Variants in ZNF454 observed in about 807,000 individuals in gnomAD.
ZNF454 encodes zinc finger protein 454.
Under a neutral mutation model 48.2 loss-of-function variants are expected in ZNF454, and 30 were observed. The ratio of observed to expected loss-of-function variants is 0.62; its 90% CI spans 0.47 to 0.84. The LOEUF is 0.84. ZNF454 is among the 40% of genes least tolerant of loss of function. The pLI, the probability that ZNF454 is intolerant of heterozygous loss-of-function variation, is 0.00. For missense variants in ZNF454, 510 were observed against 623.1 expected (o/e 0.82, Z 1.93); for synonymous variants, 204 against 211.4 (o/e 0.97, Z 0.30).
rs565741450 is a variant in ZNF454 at position 178,966,040 on chromosome 5, C to T, written c.*67C>T. On this transcript the variant is annotated 3_prime_UTR_variant, in exon 5 of 5. Transcript: ENST00000519564. ...ATGAATTATTGAATGTGAGATAATC[C>T]GTTCTAGAGAATAACTATGAAAGCT... is the stretch of plus-strand genomic sequence containing the variant. 64 of 1,263,654 alleles carry T rather than the reference C, an allele frequency of 5.1e-5. 1 individual carries two copies. The South Asian group carries it at 6.9e-4, about 14-fold the overall frequency. The allele number at this position is 1,263,654 out of a possible 1,614,324, so 78.3% of individuals were successfully genotyped here. A position where few individuals can be genotyped will look rare whatever the true frequency, so the allele number is the denominator to read the frequency against.
At chr5:178,978,049 C>T in the ZNF454 span, among the ~76,000 whole-genome samples, 1 of 152,176 alleles carries the variant, frequency 6.6e-6, no homozygotes, top group Non-Finnish European at 1.5e-5. Context: ...TTTTTGAAAC[C>T]CCCCAAGCTA....
At chr5:178,977,769 G>A in the ZNF454 span, among the ~76,000 whole-genome samples, 44 of 151,954 alleles carry the variant, frequency 2.9e-4, no homozygotes, top group Non-Finnish European at 6.0e-4. Flanking sequence ...GTGTTTTGCC[G>A]AGATGGTGTT....
At chr5:178,981,631 A>T in the ZNF454 span, 5 of 1,567,512 alleles carry the variant, frequency 3.2e-6, no homozygotes, top group South Asian at 4.4e-5. This position sits in a 1 kb window ranked among gnomAD's most constrained non-coding sequence, Gnocchi z 5.1. Context: ...GAGAGGCAGC[A>T]AGCAGTCCCG....
chr5:178,981,701 C>T, the ZNF454 span: 2 of 1,614,122 alleles, frequency 1.2e-6, no homozygotes, highest in Non-Finnish European at 1.7e-6. The surrounding 1 kb of genome is among the most constrained non-coding windows in gnomAD (Gnocchi z 5.1). Flanking sequence ...GGGGCTGCCA[C>T]CGTGGAGGTG....
the ZNF454 span, chr5:178,985,689 C>G: frequency 3.6e-5 from 14 of 386,344 alleles, no homozygotes; most frequent in Non-Finnish European, 5.9e-5. Flanking sequence ...GGCGACACAG[C>G]GAGACTCTGT....
At chr5:178,974,645 T>G in the ZNF454 span, among the ~76,000 whole-genome samples, 6 of 152,192 alleles carry the variant, frequency 3.9e-5, no homozygotes, top group Non-Finnish European at 8.8e-5. Flanking sequence ...TTACCATTAC[T>G]GCATGAGAGA....
the ZNF454 span, chr5:178,975,976 G>T: frequency 2.8e-6 from 1 of 357,122 alleles, no homozygotes; most frequent in Non-Finnish European, 5.7e-6. Flanking sequence ...TCTCTGGAGA[G>T]CCCTGACTGC....
At chr5:178,969,883 G>C (rs1463806369), downstream of ZNF454, among the ~76,000 whole-genome samples, 2 of 152,144 alleles carry the variant, frequency 1.3e-5, no homozygotes, top group East Asian at 3.9e-4. Flanking sequence ...AAAAACAGTT[G>C]CTTTGGATTT....
At chr5:178,983,416 AG>A in the ZNF454 span, 1 of 705,014 alleles carries the variant, frequency 1.4e-6, no homozygotes. Context: ...GCAGCCCAAG[AG>A]GGGTCCGTCC....
At position 178,946,721 on chromosome 5, in the gene ZNF454, T is replaced by A. The variant is rs77877032; in HGVS notation, c.161-176T>A. On this transcript the variant is annotated intron_variant, in intron 3 of 4. Coordinates refer to ENST00000519564, the MANE Select transcript of ZNF454 (RefSeq NM_001178089.3). This position sits in a 1 kb window ranked among gnomAD's most constrained non-coding sequence, Gnocchi z 4.5. ...TTCTGGCAAGGAGGGGAACATGGGA[T>A]AAGATTGTGTCAGGCCTGAGTAATC... 0.091 allele frequency among the ~76,000 whole-genome samples: 13,826 copies of A among 152,196 alleles called. 681 individuals carry two copies. The highest frequency in any genetic ancestry group is 0.1 in the Non-Finnish European group (6,897 of 67,990).
chr5:178,963,987 G>C (rs1170988848), intron 4 of ZNF454, among the ~76,000 whole-genome samples: 1 of 151,562 alleles, frequency 6.6e-6, no homozygotes, highest in African/African-American at 2.4e-5. Context: ...GAATCGACAG[G>C]GTACTTTTCT....
chr5:178,979,325 TCA>T, the ZNF454 span: 2 of 152,170 alleles, frequency 1.3e-5, no homozygotes, highest in African/African-American at 4.8e-5. Context: ...CTTGTGGAAG[TCA>T]GTTATTTGTG....
chr5:178,979,555 T>A, the ZNF454 span: 1 of 152,168 alleles, frequency 6.6e-6, no homozygotes. Context: ...TGGCAGAGTG[T>A]GAAAGTCGTC....
the ZNF454 span, chr5:178,983,601 A>T: frequency 5.0e-6 from 2 of 402,054 alleles, no homozygotes; most frequent in Non-Finnish European, 1.0e-5. Context: ...AAGCTCTGGA[A>T]CTGAGGCCCT....
chr5:178,950,181 T>C lies in ZNF454; in HGVS notation c.250+3195T>C, dbSNP rs577466899. ...AGCCACCGTACCTGGCTGACACTTA[T>C]TTTTAATCATAATATGAAAAAGTCC... is the stretch of plus-strand genomic sequence containing the variant. On this transcript the variant is annotated intron_variant, in intron 4 of 4. Transcript: ENST00000519564. Among the ~76,000 whole-genome samples the C allele has an allele frequency of 2.6e-5, 4 of 152,326 alleles. No individual in the cohort carries two copies. In the South Asian group the frequency reaches 8.3e-4, roughly 32 times the overall value.
At chr5:178,962,273 T>G (rs1581880055) in intron 4 of ZNF454, among the ~76,000 whole-genome samples, 1 of 151,762 alleles carries the variant, frequency 6.6e-6, no homozygotes, top group African/African-American at 2.4e-5. Flanking sequence ...TAGTGTATCA[T>G]TTGTTTTTTT....
intron 2 of ZNF454, among the ~76,000 whole-genome samples, chr5:178,943,798 A>G (rs912295351): frequency 1.3e-5 from 2 of 152,138 alleles, no homozygotes; most frequent in Non-Finnish European, 2.9e-5. Context: ...GGCCAAGGCC[A>G]GCGGATCACG....
rs1424448237 is a variant in ZNF454, at chr5:178,959,909, TTTTTC to T, written c.251-4731_251-4727del. On this transcript the variant is annotated intron_variant, in intron 4 of 4. Transcript: ENST00000519564. Reference sequence around the variant, plus strand: ...CATGAGCCACCGTGCCCGGCCCCTTTTTTTCTTTTCTTTTCTTTTTTTCTTTCTTT... The same window carrying T: ...CATGAGCCACCGTGCCCGGCCCCTTTTTTTCTTTTCTTTTTTTCTTTCTTT... 6.7e-5 allele frequency among the ~76,000 whole-genome samples: 10 copies of T among 149,646 alleles called. No individual in the cohort carries two copies. In the South Asian group the frequency reaches 1.7e-3, roughly 26 times the overall value.
chr5:178,942,730 G>A lies in ZNF454; in HGVS notation c.-62G>A. ...GCCTGAGGAGTCCTGCAGGTGTGAA[G>A]CTCCACACCTGCCTCCATAGCACTT... On this transcript the variant is annotated 5_prime_UTR_variant, in exon 2 of 5. Transcript: ENST00000519564. The A allele has an allele frequency of 6.2e-7, 1 of 1,602,020 alleles. No homozygotes were observed. The highest frequency in any genetic ancestry group is 8.5e-7 in the Non-Finnish European group (1 of 1,169,590).
Sources: allele counts gnomAD v4.1 joint callset (sites outside exome capture counted in the v4.1 genomes callset), GRCh38; gene constraint gnomAD v4.1.1; non-coding constraint Gnocchi (gnomAD v3.1); transcripts MANE v1.5; gene names NCBI Gene and HGNC (gene_info 2026-07-23, HGNC 2026-07-21).